Variants in BCAS3 observed in about 807,000 individuals in gnomAD.
BCAS3 encodes the protein BCAS3 microtubule associated cell migration factor, also known as BCAS4/BCAS3 fusion.
BCAS3 carries 53 observed loss-of-function variants against 116.1 expected under a neutral mutation model. That is an observed-to-expected ratio of 0.46 (90% CI 0.37 to 0.57). BCAS3 has a LOEUF of 0.57. Among genes scored for constraint, BCAS3 ranks in the 20% least tolerant of loss-of-function variants. The pLI, the probability that BCAS3 is intolerant of heterozygous loss-of-function variation, is 0.00. For missense variants in BCAS3, 917 were observed against 1,165.4 expected (o/e 0.79, Z 3.10); for synonymous variants, 391 against 408.2 (o/e 0.96, Z 0.51).
intron 22 of BCAS3, among the ~76,000 whole-genome samples, chr17:61,110,731 G>T (rs1303967557): frequency 6.7e-6 from 1 of 149,392 alleles, no homozygotes; most frequent in Admixed American, 6.7e-5. Context: ...CCAACTGGGT[G>T]GAGCCCACCA....
chr17:60,849,298 T>C (rs2052836865), intron 7 of BCAS3, among the ~76,000 whole-genome samples: 1 of 151,788 alleles, frequency 6.6e-6, no homozygotes, highest in Non-Finnish European at 1.5e-5. Context: ...TTTTTTTTAA[T>C]CTGCTGTCTT....
chr17:60,989,368 C>CT (rs2063377084), intron 14 of BCAS3, among the ~76,000 whole-genome samples: 1 of 152,012 alleles, frequency 6.6e-6, no homozygotes, highest in South Asian at 2.1e-4. Context: ...ATTCAATTTG[C>CT]TAATTCAGAA....
intron 5 of BCAS3, among the ~76,000 whole-genome samples, chr17:60,726,510 A>AT (rs1157371227): frequency 0.013 from 1,636 of 129,626 alleles, 7 homozygotes; most frequent in Non-Finnish European, 0.015. Flanking sequence ...AGAGGGAGGA[A>AT]TTTTTTTTTT....
intron 6 of BCAS3, among the ~76,000 whole-genome samples, chr17:60,748,212 T>C (rs892181773): frequency 3.9e-5 from 6 of 152,240 alleles, no homozygotes; most frequent in African/African-American, 1.2e-4. Flanking sequence ...TGAAAACTTA[T>C]GACATTGTGA....
chr17:60,777,060 A>ATG (rs1260512108), intron 6 of BCAS3, among the ~76,000 whole-genome samples: 4 of 151,598 alleles, frequency 2.6e-5, no homozygotes, highest in Non-Finnish European at 4.4e-5. Context: ...ATACACATAT[A>ATG]TGTGTGTGTG....
Position 61,380,572 on chromosome 17 carries a change from G to C in BCAS3, c.2594-11405G>C. ...AGACACGTGGCAGTGAAGTGTTTTG[G>C]TATGTAACGTCCTATCTTTGCCTAT... On this transcript the variant is annotated intron_variant, in intron 23 of 23. Transcript: ENST00000407086. This position sits in a 1 kb window ranked among gnomAD's most constrained non-coding sequence, Gnocchi z 4.2. 2 of 1,597,488 alleles carry C rather than the reference G, an allele frequency of 1.3e-6. No homozygotes were observed. The highest frequency in any genetic ancestry group is 2.2e-5 in the South Asian group (2 of 91,028).
Position 61,323,086 on chromosome 17 carries a change from A to AG in BCAS3, c.2426-45241_2426-45240insG, listed in dbSNP as rs1602679014. ...GCTAAGCAGTTGGTTTAAAAAAAAA[A>AG]TGAAAGAAAAAGGAGAATGGTCACA... On this transcript the variant is annotated intron_variant, in intron 22 of 23. Transcript: ENST00000407086. The surrounding 1 kb of genome is among the most constrained non-coding windows in gnomAD (Gnocchi z 4.6). 6.6e-6 allele frequency among the ~76,000 whole-genome samples: 1 copy of AG among 152,000 alleles called. No homozygotes were observed. Among genetic ancestry groups the AG allele is most frequent in the East Asian group, 1.9e-4 (1 of 5,188 alleles).
At chr17:61,062,216 A>G (rs1410909860) in intron 19 of BCAS3, among the ~76,000 whole-genome samples, 2 of 152,250 alleles carry the variant, frequency 1.3e-5, no homozygotes, top group Admixed American at 1.3e-4. Flanking sequence ...TACACGGTTT[A>G]AAAGGTAACA....
chr17:60,757,392 ATATGTGTGTG>A (rs2043109355), intron 6 of BCAS3, among the ~76,000 whole-genome samples: 1 of 132,696 alleles, frequency 7.5e-6, no homozygotes, highest in African/African-American at 3.4e-5. Flanking sequence ...GCCAGCATGT[ATATGTGTGTG>A]TGTGTGTGTG....
chr17:60,728,629 G>A (rs895859475), intron 5 of BCAS3, among the ~76,000 whole-genome samples: 1 of 151,858 alleles, frequency 6.6e-6, no homozygotes, highest in Admixed American at 6.6e-5. Context: ...ACAGGTGCCC[G>A]CCGCCATGCC....
In BCAS3 at chr17:61,285,271, T is replaced by A. The variant is rs1279351922; in HGVS notation, c.2426-83056T>A. ...TGTGTGTGTGTGTTTCTTGCTAAAA[T>A]GCAGCAAAGGAAGGGGAAACAAATA... On this transcript the variant is annotated intron_variant, in intron 22 of 23. Coordinates refer to ENST00000407086, the MANE Select transcript of BCAS3 (RefSeq NM_017679.5). The surrounding 1 kb of genome is among the most constrained non-coding windows in gnomAD (Gnocchi z 5.4). 2.2e-5 allele frequency among the ~76,000 whole-genome samples: 3 copies of A among 135,600 alleles called. No individual in the cohort carries two copies. The highest frequency in any genetic ancestry group is 3.4e-5 in the African/African-American group (1 of 29,786). The allele number at this position is 135,600 out of a possible 152,430, so 89.0% of individuals were successfully genotyped here.
At position 61,276,403 on chromosome 17, in the gene BCAS3, C is replaced by T. The variant is rs979351104; in HGVS notation, c.2426-91924C>T. ...AATCACTTGTGTTTCTATACAGTAGCAATGAGCAAACCGCAAATAAAATTA... is the reference window on the plus strand; with the variant it reads ...AATCACTTGTGTTTCTATACAGTAGTAATGAGCAAACCGCAAATAAAATTA... On this transcript the variant is annotated intron_variant, in intron 22 of 23. Transcript: ENST00000407086. The surrounding 1 kb of genome is among the most constrained non-coding windows in gnomAD (Gnocchi z 4.2). 2.6e-5 allele frequency among the ~76,000 whole-genome samples: 4 copies of T among 152,028 alleles called. No individual in the cohort carries two copies. The South Asian group carries it at 6.2e-4, about 24-fold the overall frequency.
chr17:61,027,550 G>A (rs962759607), intron 16 of BCAS3: 1 of 272,916 alleles, frequency 3.7e-6, no homozygotes, highest in Non-Finnish European at 7.2e-6. Flanking sequence ...TCTTAGACAG[G>A]AAGGTCATAG....
At chr17:61,046,071 T>TATATATATTTATATATATATA (rs2068275379) in intron 19 of BCAS3, among the ~76,000 whole-genome samples, 1 of 29,988 alleles carries the variant, frequency 3.3e-5, no homozygotes, top group African/African-American at 2.7e-4. Flanking sequence ...ATATATATAA[T>TATATATATTTATATATATATA]ATATATATAT....
intron 6 of BCAS3, among the ~76,000 whole-genome samples, chr17:60,759,367 T>A (rs1357358325): frequency 3.3e-5 from 5 of 152,246 alleles, no homozygotes; most frequent in Non-Finnish European, 7.3e-5. Flanking sequence ...TAGAATGTTC[T>A]ATACGTGCCT....
At chr17:60,684,890 G>A (rs1475806668) in intron 3 of BCAS3, among the ~76,000 whole-genome samples, 1 of 152,088 alleles carries the variant, frequency 6.6e-6, no homozygotes, top group Non-Finnish European at 1.5e-5. Flanking sequence ...AAAACACAGT[G>A]CCTTCAACCT....
intron 6 of BCAS3, among the ~76,000 whole-genome samples, chr17:60,794,683 T>G (rs951981092): frequency 3.9e-5 from 6 of 152,184 alleles, no homozygotes; most frequent in Admixed American, 2.0e-4. Flanking sequence ...CTTTATGTTT[T>G]TGTTTGCTTT....
chr17:60,808,371 C>A (rs1035393829), intron 7 of BCAS3, among the ~76,000 whole-genome samples: 1 of 152,172 alleles, frequency 6.6e-6, no homozygotes, highest in East Asian at 1.9e-4. Flanking sequence ...TCAAATTGAA[C>A]TTCTGGCTGC....
At chr17:61,100,344 C>T (rs1439295984) in intron 22 of BCAS3, among the ~76,000 whole-genome samples, 2 of 152,156 alleles carry the variant, frequency 1.3e-5, no homozygotes, top group Non-Finnish European at 2.9e-5. Flanking sequence ...TGAGTCAGTA[C>T]CTCAAATTAG....
Sources: allele counts gnomAD v4.1 joint callset (sites outside exome capture counted in the v4.1 genomes callset), GRCh38; gene constraint gnomAD v4.1.1; non-coding constraint Gnocchi (gnomAD v3.1); transcripts MANE v1.5; gene names NCBI Gene and HGNC (gene_info 2026-07-23, HGNC 2026-07-21).